KRABD3: variants seen among roughly 807,000 people sequenced by gnomAD.
KRABD3 encodes KRAB domain containing 3.
the KRABD3 span, chr7:149,728,634 C>T: frequency 1.4e-5 from 22 of 1,613,560 alleles, no homozygotes; most frequent in South Asian, 8.8e-5. Flanking sequence ...GACAGGGGAC[C>T]GAGGAGAGCA....
the KRABD3 span, chr7:149,733,618 G>A: frequency 6.3e-7 from 1 of 1,593,700 alleles, no homozygotes; most frequent in South Asian, 1.1e-5. Context: ...CAAAGATCCT[G>A]CGTGGCCAGG....
the KRABD3 span, chr7:149,724,808 C>T: frequency 1.3e-6 from 2 of 1,598,246 alleles, no homozygotes; most frequent in Non-Finnish European, 1.7e-6. Context: ...ACTGGAGACA[C>T]CAGAGGGGTC....
the KRABD3 span, among the ~76,000 whole-genome samples, chr7:149,718,764 CT>C: frequency 6.6e-6 from 1 of 152,180 alleles, no homozygotes; most frequent in Admixed American, 6.5e-5. Flanking sequence ...ATCTGTCTGC[CT>C]TGGCCCCCCG....
chr7:149,723,103 G>T, the KRABD3 span: 13 of 678,720 alleles, frequency 1.9e-5, no homozygotes, highest in Non-Finnish European at 2.8e-5. Context: ...GAGCCAGGTG[G>T]CTCTCTTAAG....
chr7:149,725,835 G>A, the KRABD3 span: 3 of 1,457,572 alleles, frequency 2.1e-6, no homozygotes, highest in South Asian at 1.4e-5. Context: ...TGGCCCAGGA[G>A]TCTCTTCTCC....
At chr7:149,723,942 G>A in the KRABD3 span, 2 of 1,591,030 alleles carry the variant, frequency 1.3e-6, no homozygotes, top group South Asian at 1.1e-5. Flanking sequence ...ACATTACCCT[G>A]CCCCAGGCAG....
chr7:149,729,092 A>G, the KRABD3 span: 2 of 989,862 alleles, frequency 2.0e-6, no homozygotes, highest in Non-Finnish European at 2.8e-6. Flanking sequence ...TGTGCCTGAG[A>G]GCCCAGCAAT....
chr7:149,717,034 G>A, the KRABD3 span, among the ~76,000 whole-genome samples: 30,062 of 151,992 alleles, frequency 0.2, 4,065 homozygotes, highest in African/African-American at 0.38. Flanking sequence ...CCTGAGGCTA[G>A]GCCCCAGTCA....
At chr7:149,730,579 G>C in the KRABD3 span, 8 of 1,608,944 alleles carry the variant, frequency 5.0e-6, no homozygotes, top group Non-Finnish European at 6.8e-6. Flanking sequence ...GTGAGCCTGG[G>C]GTCTCCTGAG....
At chr7:149,733,242 CT>C in the KRABD3 span, 3 of 1,610,678 alleles carry the variant, frequency 1.9e-6, no homozygotes, top group Non-Finnish European at 2.5e-6. Context: ...CAGGGCCCGC[CT>C]GAGCTGCCCA....
At chr7:149,718,720 G>C in the KRABD3 span, among the ~76,000 whole-genome samples, 1 of 151,946 alleles carries the variant, frequency 6.6e-6, no homozygotes, top group African/African-American at 2.4e-5. Flanking sequence ...TCACCATATT[G>C]GCCAGCCTGG....
At chr7:149,734,070 T>G in the KRABD3 span, 1 of 1,571,520 alleles carries the variant, frequency 6.4e-7, no homozygotes, top group Non-Finnish European at 8.6e-7. Context: ...TCTCCACATC[T>G]GCTCGTTCTT....
chr7:149,731,547 C>T, the KRABD3 span: 1 of 809,242 alleles, frequency 1.2e-6, no homozygotes, highest in South Asian at 1.7e-5. Flanking sequence ...GGCCAAGTTT[C>T]CGTCTTCTAT....
chr7:149,725,621 ACT>A, the KRABD3 span: 4 of 1,016,488 alleles, frequency 3.9e-6, no homozygotes, highest in Non-Finnish European at 4.2e-6. Flanking sequence ...TGCCTTTCAT[ACT>A]CACTCCCAAA....
chr7:149,722,634 C>T, the KRABD3 span: 7 of 1,506,674 alleles, frequency 4.6e-6, no homozygotes, highest in Non-Finnish European at 6.3e-6. Flanking sequence ...TGCTCCGCCG[C>T]CTGGGCCTGG....
chr7:149,734,513 C>G, the KRABD3 span: 1 of 160,132 alleles, frequency 6.2e-6, no homozygotes, highest in Non-Finnish European at 1.4e-5. Context: ...GAACTCAGCC[C>G]CCTGGTCTAA....
the KRABD3 span, chr7:149,733,847 G>A: frequency 6.2e-7 from 1 of 1,601,250 alleles, no homozygotes. Context: ...TCCCCCTTTA[G>A]TGCCTGCTGC....
chr7:149,729,524 G>A, the KRABD3 span: 15 of 985,304 alleles, frequency 1.5e-5, no homozygotes, highest in African/African-American at 1.7e-5. Flanking sequence ...ACTGAGGTTC[G>A]CTAAACAAGA....
chr7:149,728,538 G>C, the KRABD3 span: 1 of 1,613,444 alleles, frequency 6.2e-7, no homozygotes, highest in Non-Finnish European at 8.5e-7. Context: ...CCACCAGGAA[G>C]CTCCCCACTG....
Sources: allele counts gnomAD v4.1 joint callset (sites outside exome capture counted in the v4.1 genomes callset), GRCh38; gene constraint gnomAD v4.1.1; transcripts MANE v1.5; gene names NCBI Gene and HGNC (gene_info 2026-07-23, HGNC 2026-07-21).